Variants in ROBO2 observed in about 807,000 individuals in gnomAD.
ROBO2 encodes roundabout guidance receptor 2.
ROBO2 carries 53 observed loss-of-function variants against 160.8 expected under a neutral mutation model. That is an observed-to-expected ratio of 0.33 (90% CI 0.26 to 0.41). The LOEUF is 0.41. ROBO2 is among the 10% of genes least tolerant of loss of function. The pLI is 1.00. For synonymous variants in ROBO2, 664 were observed against 611.7 expected (o/e 1.09, Z -1.26); for missense variants, 1,577 against 1,722.4 (o/e 0.92, Z 1.49).
At chr3:76,222,005 G>A (rs1416962048) in intron 2 of ROBO2, among the ~76,000 whole-genome samples, 4 of 152,136 alleles carry the variant, frequency 2.6e-5, no homozygotes, top group African/African-American at 9.7e-5. Flanking sequence ...GGGGAATAAT[G>A]CCAAATGGGA....
At chr3:76,292,422 C>T (rs1464896379) in intron 2 of ROBO2, among the ~76,000 whole-genome samples, 1 of 152,118 alleles carries the variant, frequency 6.6e-6, no homozygotes, top group African/African-American at 2.4e-5. Context: ...TGTTCATTGG[C>T]GTCTACGATG....
chr3:76,437,617 AATTATT>A (rs1376955561), intron 2 of ROBO2, among the ~76,000 whole-genome samples: 1 of 152,184 alleles, frequency 6.6e-6, no homozygotes, highest in Non-Finnish European at 1.5e-5. Context: ...GATGTTTGAA[AATTATT>A]ATACATACTT....
At chr3:76,568,552 C>T (rs980656564) in intron 2 of ROBO2, among the ~76,000 whole-genome samples, 2 of 151,488 alleles carry the variant, frequency 1.3e-5, no homozygotes, top group Non-Finnish European at 2.9e-5. Context: ...GTGATCCACC[C>T]GCCTCGGCCT....
At chr3:76,038,878 G>C (rs962988567) in intron 2 of ROBO2, among the ~76,000 whole-genome samples, 3 of 151,788 alleles carry the variant, frequency 2.0e-5, no homozygotes, top group African/African-American at 7.3e-5. Flanking sequence ...GTCTGCAATA[G>C]GAACAAAGTA....
At chr3:77,541,345 G>A (rs2092452069) in intron 6 of ROBO2, among the ~76,000 whole-genome samples, 1 of 152,122 alleles carries the variant, frequency 6.6e-6, no homozygotes, top group Non-Finnish European at 1.5e-5. Context: ...CTCATGTTCA[G>A]CCATCTGATT....
At chr3:76,718,467 C>T (rs542734006) in intron 2 of ROBO2, among the ~76,000 whole-genome samples, 3 of 152,328 alleles carry the variant, frequency 2.0e-5, no homozygotes, top group East Asian at 3.9e-4. Context: ...CTCAAAATAA[C>T]TGCCTTCACC....
At chr3:77,126,074 A>G (rs2075290357) in intron 2 of ROBO2, among the ~76,000 whole-genome samples, 1 of 152,218 alleles carries the variant, frequency 6.6e-6, no homozygotes, top group Admixed American at 6.5e-5. Context: ...AATCAGTTCA[A>G]AAAATATTGT....
intron 16 of ROBO2, among the ~76,000 whole-genome samples, chr3:77,586,766 T>G (rs1354864805): frequency 6.6e-6 from 1 of 150,974 alleles, no homozygotes; most frequent in Non-Finnish European, 1.5e-5. Context: ...AATCACCAGA[T>G]AGGTGTATGT....
rs921876533 is a variant in ROBO2 at position 77,288,253 on chromosome 3, G to C, written c.389-189161G>C. Among the ~76,000 whole-genome samples, 31 of 152,290 alleles carry C rather than the reference G, an allele frequency of 2.0e-4. No homozygotes were observed. The South Asian group carries it at 4.4e-3, about 21-fold the overall frequency. On this transcript the variant is annotated intron_variant, in intron 2 of 25. Coordinates refer to ENST00000461745, the Ensembl canonical transcript of ROBO2. ...TTGTTAGTGAAAATGTGTTTGGAAA[G>C]GATGATGGTAGTGGGTAGGAGAGAA...
intron 2 of ROBO2, among the ~76,000 whole-genome samples, chr3:76,348,197 C>T (rs760203536): frequency 4.6e-5 from 7 of 152,050 alleles, no homozygotes; most frequent in Admixed American, 4.6e-4. Context: ...GCCATCATTC[C>T]ACAGTCTCCC....
chr3:76,172,595 C>T lies in ROBO2; in HGVS notation c.109+234993C>T, dbSNP rs377534025. Among the ~76,000 whole-genome samples the T allele has an allele frequency of 7.2e-5, 11 of 152,088 alleles. No homozygotes were observed. In the South Asian group the frequency reaches 2.1e-3, roughly 29 times the overall value. On this transcript the variant is annotated intron_variant, in intron 2 of 26. Transcript: ENST00000487694. The stretch of plus-strand genomic sequence containing the variant: ...TCTCAAACTTAATATTCTAAACGTT[C>T]ACTATACAATCCAAAATTACCGAAC...
At chr3:76,437,049 G>A (rs932106938) in intron 2 of ROBO2, among the ~76,000 whole-genome samples, 7 of 152,150 alleles carry the variant, frequency 4.6e-5, no homozygotes, top group African/African-American at 1.7e-4. Context: ...AACTGAATTT[G>A]TGTAACAGAA....
intron 24 of ROBO2, among the ~76,000 whole-genome samples, chr3:77,635,704 C>A (rs760374158): frequency 6.6e-6 from 1 of 152,202 alleles, no homozygotes; most frequent in Non-Finnish European, 1.5e-5. Flanking sequence ...CAGAAACACG[C>A]TGCACAGATT....
chr3:77,201,287 T>C (rs1169928035), intron 2 of ROBO2, among the ~76,000 whole-genome samples: 1 of 152,172 alleles, frequency 6.6e-6, no homozygotes, highest in Non-Finnish European at 1.5e-5. Context: ...TTCTTTTTAG[T>C]GAGGGAATAC....
intron 24 of ROBO2, among the ~76,000 whole-genome samples, chr3:77,643,748 C>A (rs1309374060): frequency 6.6e-6 from 1 of 152,140 alleles, no homozygotes; most frequent in African/African-American, 2.4e-5. Context: ...CCTCTCCATG[C>A]ATTTCCCATA....
At chr3:76,524,827 A>G (rs1369179723) in intron 2 of ROBO2, among the ~76,000 whole-genome samples, 7 of 14,396 alleles carry the variant, frequency 4.9e-4, no homozygotes, top group African/African-American at 2.5e-3. Context: ...TCTTATTCCT[A>G]AAAAAAAAAA....
intron 1 of ROBO2, among the ~76,000 whole-genome samples, chr3:77,050,792 T>C (rs28439745): frequency 0.014 from 2,109 of 151,528 alleles, 54 homozygotes; most frequent in African/African-American, 0.047. Context: ...GAGGATCTCT[T>C]GAGCCCATGA....
intron 1 of ROBO2, among the ~76,000 whole-genome samples, chr3:75,907,852 CGTGTGTGT>C (rs56058203): frequency 4.0e-5 from 6 of 148,568 alleles, no homozygotes; most frequent in African/African-American, 7.5e-5. Context: ...TAATCGTGTG[CGTGTGTGT>C]GTGTGTGTGT....
At chr3:76,497,207 T>C (rs1361370675) in intron 2 of ROBO2, among the ~76,000 whole-genome samples, 1 of 152,186 alleles carries the variant, frequency 6.6e-6, no homozygotes, top group African/African-American at 2.4e-5. Context: ...TCTTGTTTTT[T>C]TCATGCCTCT....
Sources: allele counts gnomAD v4.1 joint callset (sites outside exome capture counted in the v4.1 genomes callset), GRCh38; gene constraint gnomAD v4.1.1; transcripts MANE v1.5; gene names NCBI Gene and HGNC (gene_info 2026-07-23, HGNC 2026-07-21).